Variants in COL7A1 observed in about 807,000 individuals in gnomAD.
COL7A1 encodes collagen alpha-1(VII) chain.
A neutral mutation model predicts 456.2 loss-of-function variants in COL7A1; 296 were observed. The ratio of observed to expected loss-of-function variants is 0.65; its 90% CI spans 0.59 to 0.71. The LOEUF is 0.71. Among genes scored for constraint, COL7A1 ranks in the 30% least tolerant of loss-of-function variants. The pLI is 0.00. For synonymous variants in COL7A1, 1,464 were observed against 1,525.9 expected (o/e 0.96, Z 0.95); for missense variants, 3,441 against 4,017.2 (o/e 0.86, Z 3.88).
rs770101534 is a variant in COL7A1, at chr3:48,564,848, C to T, written c.8753G>A (p.Arg2918His). The change falls in exon 118 of 119, where the codon CGT becomes CAT. Residue 2918 changes from arginine to histidine, a missense_variant. Arg to His is a conservative substitution (Grantham distance 29, BLOSUM62 0). Coordinates refer to ENST00000681320, the MANE Select transcript of COL7A1 (RefSeq NM_000094.4). This position sits in a 1 kb window ranked among gnomAD's most constrained non-coding sequence, Gnocchi z 6.0. ...VYGGCGGNAN[R>H]FGTREACERR... ...CTCGCAGGCCTCACGGGTCCCAAAA[C>T]GGTTGGCATTCCCTCCACAGCCACC... 51 of 1,614,016 alleles carry T rather than the reference C, an allele frequency of 3.2e-5. No individual in the cohort carries two copies. In the East Asian group the frequency reaches 6.7e-4, roughly 21 times the overall value.
chr3:48,573,300 G>A lies in COL7A1; in HGVS notation c.6651+16C>T, dbSNP rs2107662020. ...CCATCTCCCTATGACCCTAACCTGT[G>A]AGCTAGGCCACTCACCCGTCCTGGA... On this transcript the variant is annotated intron_variant, in intron 84 of 118. Coordinates refer to ENST00000681320, the MANE Select transcript of COL7A1 (RefSeq NM_000094.4). The surrounding 1 kb of genome is among the most constrained non-coding windows in gnomAD (Gnocchi z 5.5). 1.8e-5 allele frequency: 29 copies of A among 1,614,000 alleles called. No homozygotes were observed. Among genetic ancestry groups the A allele is most frequent in the Non-Finnish European group, 2.5e-5 (29 of 1,180,018 alleles).
rs775734476 is a variant in COL7A1 at position 48,584,753 on chromosome 3, C to T, written c.4028G>A (p.Arg1343Gln). ...ACCTACCGGCTCCCCCTTTGGGCCTCGAGGTCCTCGCTCTCCCTGAGGACG... is the reference window on the plus strand; with the variant it reads ...ACCTACCGGCTCCCCCTTTGGGCCTTGAGGTCCTCGCTCTCCCTGAGGACG... ...PRGDPGERGP[R>Q]GPKGEPGAPG... Residue 1343 changes from arginine to glutamine, a missense_variant, in exon 35 of 119, where the codon CGA (arginine) becomes CAA (glutamine). Arg to Gln is a conservative substitution (Grantham distance 43). Transcript: ENST00000681320. The T allele has an allele frequency of 1.5e-5, 25 of 1,613,866 alleles. No individual in the cohort carries two copies. The East Asian group carries it at 3.6e-4, about 23-fold the overall frequency.
rs1202244674 is a variant in COL7A1 at position 48,581,197 on chromosome 3, C to T, written c.4900-40G>A. The T allele has an allele frequency of 2.5e-6, 4 of 1,612,648 alleles. No individual in the cohort carries two copies. In the South Asian group the frequency reaches 4.4e-5, roughly 18 times the overall value. On this transcript the variant is annotated intron_variant, in intron 52 of 118. Transcript: ENST00000681320. The surrounding 1 kb of genome is among the most constrained non-coding windows in gnomAD (Gnocchi z 5.8). The stretch of plus-strand genomic sequence containing the variant: ...AGTCAGCCCTGGTTCCAAGAACCCC[C>T]ATGATGCTGGCAACAGCCCTACTCC...
intron 36 of COL7A1, 49 bp downstream of exon 36, chr3:48,584,436 G>T (rs757005909): frequency 9.3e-6 from 15 of 1,613,214 alleles, no homozygotes; most frequent in Non-Finnish European, 1.3e-5. Context: ...CCCCCCTCGT[G>T]TTGGTCCCCC....
rs757600293 is a variant in COL7A1, at chr3:48,566,505, C to A, written c.8358+5G>T. The A allele has an allele frequency of 6.2e-7, 1 of 1,614,060 alleles. No homozygotes were observed. The highest frequency in any genetic ancestry group is 8.5e-7 in the Non-Finnish European group (1 of 1,179,986). Reference sequence around the variant, plus strand: ...CCTCCCAGGCCCATCCAGGCCCACACTCACCGTCAGTGCAGCTTCTCCCTT... The same window carrying A: ...CCTCCCAGGCCCATCCAGGCCCACAATCACCGTCAGTGCAGCTTCTCCCTT... On this transcript the variant is annotated splice_donor_5th_base_variant and intron_variant, in intron 113 of 118. Transcript: ENST00000681320. This position sits in a 1 kb window ranked among gnomAD's most constrained non-coding sequence, Gnocchi z 5.9.
chr3:48,587,230 A>G lies in COL7A1; in HGVS notation c.3099T>C (p.Asp1033=). 1 of 1,613,560 alleles carries G rather than the reference A, an allele frequency of 6.2e-7. No individual in the cohort carries two copies. The highest frequency in any genetic ancestry group is 8.5e-7 in the Non-Finnish European group (1 of 1,179,874). The change falls in exon 24 of 119, where the codon GAT becomes GAC. Residue 1033 remains aspartate (D), a synonymous_variant. Transcript: ENST00000681320. The surrounding 1 kb of genome is among the most constrained non-coding windows in gnomAD (Gnocchi z 6.1). ...CAGATGCCTCAGGACCCCGCACACC[A>G]TCCAGGACAGGCGTCAGGGAGAAGA... ...SYIFSLTPVL[D]GVRGPEASVT... is the part of the protein sequence containing the mutation.
chr3:48,585,008 C>G lies in COL7A1; in HGVS notation c.3975+28G>C, dbSNP rs774397997. The stretch of plus-strand genomic sequence containing the variant: ...CCCCACCCACTCAGGCAGCGCCCAC[C>G]CTGACCTGCAGGACAAGGCTTGCTC... On this transcript the variant is annotated intron_variant, in intron 33 of 118. Coordinates refer to ENST00000681320, the MANE Select transcript of COL7A1 (RefSeq NM_000094.4). The surrounding 1 kb of genome is among the most constrained non-coding windows in gnomAD (Gnocchi z 4.5). The G allele has an allele frequency of 3.7e-6, 6 of 1,613,604 alleles. No individual in the cohort carries two copies. The Admixed American group carries it at 8.3e-5, about 22-fold the overall frequency.
intron 37 of COL7A1, 38 bp downstream of exon 37, chr3:48,584,260 C>A: frequency 6.3e-7 from 1 of 1,576,522 alleles, no homozygotes; most frequent in East Asian, 2.4e-5. Context: ...ATGGGGTCAC[C>A]AGGTCTCTGC....
At position 48,576,563 on chromosome 3, in the gene COL7A1, A is replaced by AT. The variant is rs1205176832; in HGVS notation, c.5701-7dup. Reference sequence around the variant, plus strand: ...CCTGGGACACCAGGAAAACCCTGAGATACGGCAGAACACAAAGGGGTCACA... The same window carrying AT: ...CCTGGGACACCAGGAAAACCCTGAGATTACGGCAGAACACAAAGGGGTCACA... On this transcript the variant is annotated splice_polypyrimidine_tract_variant and splice_region_variant and intron_variant, in intron 68 of 118. Coordinates refer to ENST00000681320, the MANE Select transcript of COL7A1 (RefSeq NM_000094.4). 1.2e-6 allele frequency: 2 copies of AT among 1,608,114 alleles called. No individual in the cohort carries two copies. The highest frequency in any genetic ancestry group is 2.7e-5 in the African/African-American group (2 of 74,826).
In COL7A1 at chr3:48,578,556, T is replaced by C. The variant is rs1383202241; in HGVS notation, c.5425-41A>G. 4.4e-6 allele frequency: 7 copies of C among 1,602,594 alleles called. No homozygotes were observed. Among genetic ancestry groups the C allele is most frequent in the Admixed American group, 1.7e-5 (1 of 59,934 alleles). ...GTTAAGATTTATAGGGCCTCTGAGA[T>C]ATCCCTTGGGGCACACCCCATGGAC... On this transcript the variant is annotated intron_variant, in intron 63 of 118. Transcript: ENST00000681320. The surrounding 1 kb of genome is among the most constrained non-coding windows in gnomAD (Gnocchi z 4.7).
chr3:48,574,922 C>A lies in COL7A1; in HGVS notation c.6280-57G>T. The A allele has an allele frequency of 6.2e-7, 1 of 1,601,032 alleles. No homozygotes were observed. Among genetic ancestry groups the A allele is most frequent in the Non-Finnish European group, 8.6e-7 (1 of 1,169,558 alleles). Reference sequence around the variant, plus strand: ...CTCTGTCATAGAGGCATGGGGGAGTCATCACAGATCTCAGGATCACAGAGG... The same window carrying A: ...CTCTGTCATAGAGGCATGGGGGAGTAATCACAGATCTCAGGATCACAGAGG... On this transcript the variant is annotated intron_variant, in intron 76 of 118. Transcript: ENST00000681320. The surrounding 1 kb of genome is among the most constrained non-coding windows in gnomAD (Gnocchi z 5.0).
rs1239609395 is a variant in COL7A1, at chr3:48,583,561, C to T, written c.4396G>A (p.Glu1466Lys). 1 of 1,614,050 alleles carries T rather than the reference C, an allele frequency of 6.2e-7. No homozygotes were observed. Among genetic ancestry groups the T allele is most frequent in the Non-Finnish European group, 8.5e-7 (1 of 1,180,012 alleles). ...GLPGQPGSPG[E>K]QGPRGPPGAI... is the part of the protein sequence containing the mutation. ...TCCCTGGCCCCTCCACTCACCTGCTCACCCGGAGACCCAGGTTGTCCTGGG... is the reference window on the plus strand; with the variant it reads ...TCCCTGGCCCCTCCACTCACCTGCTTACCCGGAGACCCAGGTTGTCCTGGG... The change falls in exon 41 of 119, where the codon GAG becomes AAG. Residue 1466 changes from glutamate to lysine, a missense_variant. Glu to Lys is a moderately conservative substitution (Grantham distance 56). This residue lies in a region of COL7A1 where 2,084 missense variants were observed against 2,501.3 expected (regional missense o/e 0.83). Transcript: ENST00000681320. This position sits in a 1 kb window ranked among gnomAD's most constrained non-coding sequence, Gnocchi z 5.1.
At position 48,587,454 on chromosome 3, in the gene COL7A1, G is replaced by C. The variant is rs369285281; in HGVS notation, c.2958C>G (p.Ile986Met). ...GGCCTCTGAGTGGCCGCCAGGATAG[G>C]ATGTAGCTGGATGCCCTGGACACTG... ...WTPVSRASSY[I>M]LSWRPLRGPG... The change falls in exon 23 of 119, where the codon ATC becomes ATG. Residue 986 changes from isoleucine (I) to methionine (M), a missense_variant. Physicochemically the swap from Ile to Met is conservative, Grantham distance 10 (BLOSUM62 1). Around this residue, in one of 3 missense-constraint regions of COL7A1, gnomAD observed 444 missense variants for 427.6 expected, o/e 1.04. Transcript: ENST00000681320. The surrounding 1 kb of genome is among the most constrained non-coding windows in gnomAD (Gnocchi z 6.1). 3.7e-6 allele frequency: 6 copies of C among 1,613,202 alleles called. No individual in the cohort carries two copies. In the African/African-American group the frequency reaches 8.0e-5, roughly 22 times the overall value.
chr3:48,572,823 G>T lies in COL7A1; in HGVS notation c.6831+39C>A. On this transcript the variant is annotated intron_variant, in intron 87 of 118. Coordinates refer to ENST00000681320, the MANE Select transcript of COL7A1 (RefSeq NM_000094.4). This position sits in a 1 kb window ranked among gnomAD's most constrained non-coding sequence, Gnocchi z 4.6. ...CTCCTCATATTTCAGGCCCACAGCT[G>T]GGCACCACACCCTAGCGAGCTGCCC... 6.2e-7 allele frequency: 1 copy of T among 1,613,404 alleles called. No individual in the cohort carries two copies. Among genetic ancestry groups the T allele is most frequent in the East Asian group, 2.2e-5 (1 of 44,850 alleles).
rs1575423021 is a variant in COL7A1 at position 48,569,745 on chromosome 3, C to A, written c.7537G>T (p.Ala2513Ser). 1.2e-6 allele frequency: 2 copies of A among 1,614,078 alleles called. No individual in the cohort carries two copies. Among genetic ancestry groups the A allele is most frequent in the African/African-American group, 2.7e-5 (2 of 74,930 alleles). The change falls in exon 101 of 119, where the codon GCA (alanine) becomes TCA (serine). Residue 2513 changes from alanine (A) to serine (S), a missense_variant. This residue lies in a region of COL7A1 where 2,084 missense variants were observed against 2,501.3 expected (regional missense o/e 0.83). Transcript: ENST00000681320. The surrounding 1 kb of genome is among the most constrained non-coding windows in gnomAD (Gnocchi z 4.9). ...ERGEKGDVGS[A>S]GLKGDKGDSA... ...CTCACCTTGTCACCCTTTAGTCCTG[C>A]ACTCCCAACATCACCCTATTGGGCA... is the stretch of plus-strand genomic sequence containing the variant.
rs749004285 is a variant in COL7A1, at chr3:48,579,635, GAGGACCCTCTTGTCCGCGGTCCCC to G, written c.5164_5187del (p.Gly1722_Pro1729del). On this transcript the variant is annotated inframe_deletion, in exon 59 of 119. Coordinates refer to ENST00000681320, the MANE Select transcript of COL7A1 (RefSeq NM_000094.4). This position sits in a 1 kb window ranked among gnomAD's most constrained non-coding sequence, Gnocchi z 4.4. ...AGGCCAGGATCACCCTTGGGCCCTCGAGGACCCTCTTGTCCGCGGTCCCCAGGCTCTCCCTGTGGCAGAGATAAG... is the reference window on the plus strand; with the variant it reads ...AGGCCAGGATCACCCTTGGGCCCTCGAGGCTCTCCCTGTGGCAGAGATAAG... 6.8e-6 allele frequency: 11 copies of G among 1,613,514 alleles called. No homozygotes were observed. The Admixed American group carries it at 1.8e-4, about 27-fold the overall frequency.
In COL7A1 at chr3:48,586,603, G is replaced by C. The variant is rs1559420676; in HGVS notation, c.3363C>G (p.Ile1121Met). ...SHDLGIILQR[I>M]RDMPYMDPSG... The stretch of plus-strand genomic sequence containing the variant: ...TTGGGTCCATGTAGGGCATGTCACG[G>C]ATCCTTTGCAAGATAATGCCAAGGT... The change falls in exon 26 of 119, where the codon ATC (isoleucine) becomes ATG (methionine). Residue 1121 changes from isoleucine (I) to methionine (M), a missense_variant. Physicochemically the swap from Ile to Met is conservative, Grantham distance 10 (BLOSUM62 1). Around this residue, in one of 3 missense-constraint regions of COL7A1, gnomAD observed 444 missense variants for 427.6 expected, o/e 1.04. Coordinates refer to ENST00000681320, the MANE Select transcript of COL7A1 (RefSeq NM_000094.4). This position sits in a 1 kb window ranked among gnomAD's most constrained non-coding sequence, Gnocchi z 5.1. 7.4e-6 allele frequency: 12 copies of C among 1,613,784 alleles called. No individual in the cohort carries two copies. Among genetic ancestry groups the C allele is most frequent in the Non-Finnish European group, 9.3e-6 (11 of 1,180,030 alleles).
Position 48,590,319 on chromosome 3 carries a change from A to C in COL7A1, c.1944T>G (p.Thr648=). 6.2e-7 allele frequency: 1 copy of C among 1,614,084 alleles called. No homozygotes were observed. The highest frequency in any genetic ancestry group is 8.5e-7 in the Non-Finnish European group (1 of 1,179,980). Residue 648 remains threonine (T), a synonymous_variant, in exon 16 of 119, where the codon ACT becomes ACG. Coordinates refer to ENST00000681320, the MANE Select transcript of COL7A1 (RefSeq NM_000094.4). The surrounding 1 kb of genome is among the most constrained non-coding windows in gnomAD (Gnocchi z 4.6). Reference sequence around the variant, plus strand: ...GCTGCAGCCCTGTGATGTCTGTGGCAGTAGAGTCTGGGGGCAGTGTCTGGC... The same window carrying C: ...GCTGCAGCCCTGTGATGTCTGTGGCCGTAGAGTCTGGGGGCAGTGTCTGGC... The part of the protein sequence containing the change: ...ESSQTLPPDS[T]ATDITGLQPG...
chr3:48,565,351 C>T lies in COL7A1; in HGVS notation c.8527+59G>A, dbSNP rs963083485. 26 of 1,550,284 alleles carry T rather than the reference C, an allele frequency of 1.7e-5. No homozygotes were observed. Among genetic ancestry groups the T allele is most frequent in the Non-Finnish European group, 2.0e-5 (23 of 1,140,208 alleles). On this transcript the variant is annotated intron_variant, in intron 116 of 118. Coordinates refer to ENST00000681320, the MANE Select transcript of COL7A1 (RefSeq NM_000094.4). This position sits in a 1 kb window ranked among gnomAD's most constrained non-coding sequence, Gnocchi z 4.5. ...TTGGCGTGTGCCCTGCATTCATGGA[C>T]ACCCATGTGCGTGTCTCGGCCCCAC...
Sources: gnomAD v4.1 joint callset for allele counts on GRCh38, gnomAD v4.1.1 for gene constraint, gnomAD v4.1.1 regional missense constraint, Gnocchi (gnomAD v3.1) non-coding constraint, MANE v1.5 for transcripts, NCBI Gene and HGNC (gene_info 2026-07-23, HGNC 2026-07-21) for gene names.